Variants in ARK2C observed in about 807,000 individuals in gnomAD.
ARK2C encodes the protein E3 ubiquitin-protein ligase ARK2C.
chr18:46,428,351 G>T, the ARK2C span, among the ~76,000 whole-genome samples: 1 of 152,220 alleles, frequency 6.6e-6, no homozygotes. Context: ...GGAGATTGCA[G>T]TGAGCTGAGA....
At chr18:46,336,315 T>C in the ARK2C span, 1 of 985,300 alleles carries the variant, frequency 1.0e-6, no homozygotes, top group Admixed American at 6.1e-5. Context: ...TTCCATGTTT[T>C]GAAATTCAAA....
the ARK2C span, among the ~76,000 whole-genome samples, chr18:46,387,367 G>A: frequency 6.6e-6 from 1 of 152,384 alleles, no homozygotes; most frequent in East Asian, 1.9e-4. Flanking sequence ...CCACTCTGAA[G>A]TAAGGAAAGC....
At chr18:46,375,168 T>C in the ARK2C span, among the ~76,000 whole-genome samples, 1 of 152,196 alleles carries the variant, frequency 6.6e-6, no homozygotes, top group African/African-American at 2.4e-5. Flanking sequence ...GGCCCCAGGC[T>C]CCTTCCAGGC....
chr18:46,406,592 G>T, the ARK2C span, among the ~76,000 whole-genome samples: 1 of 152,234 alleles, frequency 6.6e-6, no homozygotes, highest in African/African-American at 2.4e-5. Context: ...GGGTCTCCCT[G>T]CCAGGAGATG....
the ARK2C span, among the ~76,000 whole-genome samples, chr18:46,422,809 C>A: frequency 1.3e-5 from 2 of 152,212 alleles, no homozygotes; most frequent in Non-Finnish European, 2.9e-5. Flanking sequence ...GTTAGTGGGC[C>A]TCTGCATGGA....
chr18:46,440,483 G>T, the ARK2C span, among the ~76,000 whole-genome samples: 2 of 152,140 alleles, frequency 1.3e-5, no homozygotes, highest in Non-Finnish European at 2.9e-5. Flanking sequence ...GCAGCCACTG[G>T]TGTCCTGGAA....
At chr18:46,415,056 C>A in the ARK2C span, among the ~76,000 whole-genome samples, 1 of 152,166 alleles carries the variant, frequency 6.6e-6, no homozygotes, top group Non-Finnish European at 1.5e-5. Context: ...GGGGAGGGAG[C>A]AGAAGCCAAG....
chr18:46,359,002 C>G, the ARK2C span, among the ~76,000 whole-genome samples: 10 of 152,338 alleles, frequency 6.6e-5, no homozygotes, highest in African/African-American at 1.7e-4. Flanking sequence ...GAGCTAGGCT[C>G]GAGTCCTGAC....
At chr18:46,396,584 G>A in the ARK2C span, among the ~76,000 whole-genome samples, 1 of 152,192 alleles carries the variant, frequency 6.6e-6, no homozygotes, top group African/African-American at 2.4e-5. Flanking sequence ...TTGTTTTCTT[G>A]AACTCAATTC....
At chr18:46,375,424 C>A in the ARK2C span, among the ~76,000 whole-genome samples, 3 of 151,910 alleles carry the variant, frequency 2.0e-5, no homozygotes, top group African/African-American at 7.3e-5. Flanking sequence ...TATGGTGGTA[C>A]ACACCTGTAA....
chr18:46,404,217 C>T, the ARK2C span, among the ~76,000 whole-genome samples: 112 of 152,232 alleles, frequency 7.4e-4, no homozygotes, highest in African/African-American at 2.5e-3. Flanking sequence ...GTCACACCTG[C>T]GAGTTCTTTC....
chr18:46,368,165 G>A, the ARK2C span, among the ~76,000 whole-genome samples: 1 of 152,198 alleles, frequency 6.6e-6, no homozygotes, highest in African/African-American at 2.4e-5. Flanking sequence ...ATGAGACTTT[G>A]TGCTTGAGGA....
chr18:46,443,021 G>T, the ARK2C span, among the ~76,000 whole-genome samples: 1 of 152,074 alleles, frequency 6.6e-6, no homozygotes, highest in Non-Finnish European at 1.5e-5. Flanking sequence ...TTGTAACCTA[G>T]TATCTACATA....
At chr18:46,391,256 G>T in the ARK2C span, among the ~76,000 whole-genome samples, 1 of 152,190 alleles carries the variant, frequency 6.6e-6, no homozygotes, top group Non-Finnish European at 1.5e-5. Flanking sequence ...GGAGGCTGGG[G>T]TTCTAGACTC....
chr18:46,384,204 C>T, the ARK2C span, among the ~76,000 whole-genome samples: 1 of 152,170 alleles, frequency 6.6e-6, no homozygotes, highest in African/African-American at 2.4e-5. Flanking sequence ...ACTGGGCCAA[C>T]CCCTCCCTCC....
At chr18:46,360,579 T>A in the ARK2C span, among the ~76,000 whole-genome samples, 1 of 152,142 alleles carries the variant, frequency 6.6e-6, no homozygotes. Flanking sequence ...CTCTCTCTTC[T>A]CCTCTCCTCT....
At chr18:46,417,294 C>G in the ARK2C span, among the ~76,000 whole-genome samples, 7 of 152,224 alleles carry the variant, frequency 4.6e-5, no homozygotes, top group African/African-American at 1.7e-4. Context: ...TGTCACTTCT[C>G]TGCTCAGATA....
chr18:46,400,405 T>A, the ARK2C span, among the ~76,000 whole-genome samples: 1 of 152,254 alleles, frequency 6.6e-6, no homozygotes, highest in African/African-American at 2.4e-5. Context: ...AGAGCTCTGA[T>A]GTCTCCCTTC....
At chr18:46,356,017 C>T in the ARK2C span, among the ~76,000 whole-genome samples, 16 of 152,168 alleles carry the variant, frequency 1.1e-4, no homozygotes, top group African/African-American at 3.4e-4. Context: ...GCAGCATTCC[C>T]GTGGCCCTCA....
Sources: allele counts gnomAD v4.1 joint callset (sites outside exome capture counted in the v4.1 genomes callset), GRCh38; gene constraint gnomAD v4.1.1; transcripts MANE v1.5; gene names NCBI Gene and HGNC (gene_info 2026-07-23, HGNC 2026-07-21).